Variants in PPARGC1A observed in about 807,000 individuals in gnomAD.
PPARGC1A encodes PPARG coactivator 1 alpha, also known as peroxisome proliferator-activated receptor gamma coactivator 1-alpha.
In PPARGC1A, 25 loss-of-function variants were observed where a neutral mutation model predicts 88.7. The ratio of observed to expected loss-of-function variants is 0.28; its 90% CI spans 0.21 to 0.39. The LOEUF (loss-of-function observed/expected upper bound fraction) is 0.39, where lower values mean the gene tolerates loss of function less well. PPARGC1A is among the 10% of genes least tolerant of loss of function. PPARGC1A has a pLI of 1.00. For synonymous variants in PPARGC1A, 363 were observed against 355.6 expected, an observed-to-expected ratio of 1.02 and a Z score of -0.24; for missense variants, 880 against 968.7, an observed-to-expected ratio of 0.91 and a Z score of 1.22.
At chr4:24,011,886 A>G in the PPARGC1A span, among the ~76,000 whole-genome samples, 10 of 152,210 alleles carry the variant, frequency 6.6e-5, no homozygotes, top group African/African-American at 2.4e-4. Context: ...AAAACTGCCA[A>G]CTTATCATAT....
intron 2 of PPARGC1A, among the ~76,000 whole-genome samples, chr4:23,838,523 A>C (rs1726455709): frequency 6.6e-6 from 1 of 152,230 alleles, no homozygotes. Flanking sequence ...AAAAATCAAG[A>C]CAATAAATAC....
At chr4:24,078,991 GA>G in the PPARGC1A span, among the ~76,000 whole-genome samples, 1 of 151,902 alleles carries the variant, frequency 6.6e-6, no homozygotes, top group Non-Finnish European at 1.5e-5. Flanking sequence ...GTAAAATACT[GA>G]AAACACCATT....
chr4:23,816,144 T>C (rs1288196500), intron 7 of PPARGC1A, among the ~76,000 whole-genome samples: 1 of 152,200 alleles, frequency 6.6e-6, no homozygotes, highest in African/African-American at 2.4e-5. Flanking sequence ...TGGTTTGACT[T>C]CGGAGTTCCA....
chr4:23,945,997 G>A, the PPARGC1A span, among the ~76,000 whole-genome samples: 29 of 152,200 alleles, frequency 1.9e-4, no homozygotes, highest in Middle Eastern at 3.4e-3. Flanking sequence ...GACACAAAGC[G>A]ACAGGCCGGA....
At chr4:24,254,430 A>G in the PPARGC1A span, among the ~76,000 whole-genome samples, 1 of 152,192 alleles carries the variant, frequency 6.6e-6, no homozygotes, top group Non-Finnish European at 1.5e-5. Context: ...CCCCAGTTCC[A>G]TAAAGCTCTT....
chr4:24,032,191 T>C, the PPARGC1A span, among the ~76,000 whole-genome samples: 1 of 152,228 alleles, frequency 6.6e-6, no homozygotes, highest in Non-Finnish European at 1.5e-5. Flanking sequence ...TCTAAGGACC[T>C]TTTTGCATTT....
chr4:23,971,899 C>T, the PPARGC1A span, among the ~76,000 whole-genome samples: 7 of 152,274 alleles, frequency 4.6e-5, no homozygotes, highest in Admixed American at 1.3e-4. Context: ...AGGCATCTAA[C>T]TTTATTGGTT....
chr4:24,037,236 T>C, the PPARGC1A span, among the ~76,000 whole-genome samples: 1 of 152,202 alleles, frequency 6.6e-6, no homozygotes, highest in Non-Finnish European at 1.5e-5. Flanking sequence ...TTATTTTTAA[T>C]ATATAGCTGA....
At chr4:23,983,778 T>C in the PPARGC1A span, among the ~76,000 whole-genome samples, 1 of 151,742 alleles carries the variant, frequency 6.6e-6, no homozygotes, top group East Asian at 2.0e-4. Flanking sequence ...AGGAAGAAAA[T>C]TCTTCCTGGC....
the PPARGC1A span, among the ~76,000 whole-genome samples, chr4:24,000,693 C>T: frequency 5.3e-5 from 8 of 152,130 alleles, no homozygotes; most frequent in South Asian, 2.1e-4. Flanking sequence ...GATTCCCTGA[C>T]GCTAGGCAGC....
At chr4:24,336,064 C>T in the PPARGC1A span, among the ~76,000 whole-genome samples, 1 of 151,830 alleles carries the variant, frequency 6.6e-6, no homozygotes, top group Non-Finnish European at 1.5e-5. Flanking sequence ...GTTTTTATGC[C>T]TCATGCCTCT....
the PPARGC1A span, among the ~76,000 whole-genome samples, chr4:24,254,907 C>T: frequency 1.3e-5 from 2 of 152,158 alleles, no homozygotes; most frequent in Non-Finnish European, 2.9e-5. Context: ...TAAATCTGTC[C>T]ATTTTTCAGG....
chr4:24,338,795 A>G, the PPARGC1A span, among the ~76,000 whole-genome samples: 1 of 151,258 alleles, frequency 6.6e-6, no homozygotes, highest in Non-Finnish European at 1.5e-5. Context: ...ACAAAGCTTG[A>G]AAAAAAAATG....
At chr4:24,242,910 AGTCT>A in the PPARGC1A span, among the ~76,000 whole-genome samples, 1 of 152,058 alleles carries the variant, frequency 6.6e-6, no homozygotes, top group Non-Finnish European at 1.5e-5. Flanking sequence ...CAGAGAAAAC[AGTCT>A]GTTTATTGGG....
the PPARGC1A span, among the ~76,000 whole-genome samples, chr4:24,265,175 T>G: frequency 1.9e-4 from 29 of 152,178 alleles, no homozygotes; most frequent in Admixed American, 1.9e-3. Flanking sequence ...AAGAAATATA[T>G]ACCCTATTTG....
chr4:23,813,526 G>A (rs553297500), intron 8 of PPARGC1A, among the ~76,000 whole-genome samples, 164 bp downstream of exon 8: 70 of 152,356 alleles, frequency 4.6e-4, no homozygotes, highest in African/African-American at 1.6e-3. Flanking sequence ...AGAACATGGA[G>A]AGAGATGTGA....
At chr4:24,083,344 G>A in the PPARGC1A span, among the ~76,000 whole-genome samples, 4 of 152,056 alleles carry the variant, frequency 2.6e-5, no homozygotes, top group Non-Finnish European at 5.9e-5. Flanking sequence ...AAACACCTCC[G>A]CAAGTCTCCC....
chr4:24,079,579 T>C, the PPARGC1A span, among the ~76,000 whole-genome samples: 2 of 152,070 alleles, frequency 1.3e-5, no homozygotes, highest in African/African-American at 4.8e-5. Flanking sequence ...TTAGAATTTA[T>C]CTCTGAAACA....
At chr4:24,050,033 T>C in the PPARGC1A span, among the ~76,000 whole-genome samples, 2 of 152,202 alleles carry the variant, frequency 1.3e-5, no homozygotes, top group Non-Finnish European at 2.9e-5. Flanking sequence ...TGGTTTCTAA[T>C]GTTCATTCTG....
Sources: gnomAD v4.1 joint callset for allele counts (sites outside exome capture counted in the v4.1 genomes callset) on GRCh38, gnomAD v4.1.1 for gene constraint, MANE v1.5 for transcripts, NCBI Gene and HGNC (gene_info 2026-07-23, HGNC 2026-07-21) for gene names.